The following DEFB108B variants were observed in gnomAD, a reference collection of about 807,000 sequenced individuals.
DEFB108B encodes beta-defensin 108B.
In DEFB108B, 3 loss-of-function variants were observed where a neutral mutation model predicts 2.4. That is an observed-to-expected ratio of 1.25 (90% CI 0.57 to 3.24). The LOEUF is 3.24. Ranked by LOEUF, DEFB108B falls within the 30% of genes most tolerant of loss-of-function variation. The pLI, the probability that DEFB108B is intolerant of heterozygous loss-of-function variation, is 0.03. For missense variants in DEFB108B, 101 were observed against 87.8 expected, an observed-to-expected ratio of 1.15 and a Z score of -0.60; for synonymous variants, 25 against 28.7, an observed-to-expected ratio of 0.87 and a Z score of 0.41.
chr11:71,836,134 A>G (rs1952215218), intron 1 of DEFB108B, among the ~76,000 whole-genome samples: 1 of 152,184 alleles, frequency 6.6e-6, no homozygotes, highest in Non-Finnish European at 1.5e-5. Context: ...TACAGATAAA[A>G]GGAAGAGATG....
chr11:71,834,206 G>T (rs1952199925), intron 1 of DEFB108B, among the ~76,000 whole-genome samples: 1 of 152,034 alleles, frequency 6.6e-6, no homozygotes, highest in Admixed American at 6.5e-5. Flanking sequence ...CCGTTCCTTT[G>T]TGTGACTTCC....
chr11:71,833,383 G>T, intron 1 of DEFB108B, 126 bp downstream of exon 1: 1 of 1,447,710 alleles, frequency 6.9e-7, no homozygotes, highest in Non-Finnish European at 9.3e-7. Flanking sequence ...AGACTCATTG[G>T]CTGAGAGGCC....
chr11:71,837,289 C>G, intron 1 of DEFB108B, 110 bp from the exon 2 acceptor site: 6 of 1,361,062 alleles, frequency 4.4e-6, no homozygotes, highest in Non-Finnish European at 4.2e-6. Context: ...CACACACACA[C>G]ACAAATCCAC....
chr11:71,834,369 T>A (rs541392460), intron 1 of DEFB108B, among the ~76,000 whole-genome samples: 3 of 152,354 alleles, frequency 2.0e-5, no homozygotes, highest in Admixed American at 1.3e-4. Context: ...TGGGTTTGAT[T>A]TTTTTAACCA....
In DEFB108B at chr11:71,837,448, G is replaced by A. The variant is rs949950538; in HGVS notation, c.108G>A (p.Arg36=). 35 of 1,611,838 alleles carry A rather than the reference G, an allele frequency of 2.2e-5. No individual in the cohort carries two copies. The highest frequency in any genetic ancestry group is 2.8e-5 in the Non-Finnish European group (33 of 1,179,838). Reference sequence around the variant, plus strand: ...GTGAACGTCCAAATGGCTCCTGTCGGGACTTTTGCCTTGAAACAGAAATCC... The same window carrying A: ...GTGAACGTCCAAATGGCTCCTGTCGAGACTTTTGCCTTGAAACAGAAATCC... The part of the protein sequence containing the change: ...EICERPNGSC[R]DFCLETEIHV... Residue 36 remains arginine (R), a synonymous_variant, in exon 2 of 2, where the codon CGG becomes CGA. Transcript: ENST00000328698.
At chr11:71,835,511 A>G (rs1368130857) in intron 1 of DEFB108B, among the ~76,000 whole-genome samples, 3 of 152,192 alleles carry the variant, frequency 2.0e-5, no homozygotes, top group Admixed American at 6.5e-5. Context: ...GTTTGATTCC[A>G]TACCTTTGCT....
At chr11:71,833,312 T>C in intron 1 of DEFB108B, 55 bp downstream of exon 1, 6 of 1,572,972 alleles carry the variant, frequency 3.8e-6, no homozygotes, top group Non-Finnish European at 5.2e-6. Context: ...AGGGATTCAA[T>C]ACTCAAAGAG....
chr11:71,836,932 T>C (rs1343242666), intron 1 of DEFB108B: 1 of 138,538 alleles, frequency 7.2e-6, no homozygotes, highest in Non-Finnish European at 1.6e-5. Context: ...ATCTATCATA[T>C]AGAGTGTGTG....
chr11:71,833,772 A>G (rs567358771), intron 1 of DEFB108B, among the ~76,000 whole-genome samples: 2 of 152,188 alleles, frequency 1.3e-5, no homozygotes, highest in African/African-American at 2.4e-5. Flanking sequence ...CTCCATCTCC[A>G]TCCCTGGCTT....
At chr11:71,837,342 C>A (rs1409951452) in intron 1 of DEFB108B, 57 bp from the exon 2 acceptor site, 3 of 1,596,480 alleles carry the variant, frequency 1.9e-6, no homozygotes, top group Non-Finnish European at 2.6e-6. Flanking sequence ...CCATGTAATT[C>A]AACACAAAGT....
intron 1 of DEFB108B, chr11:71,834,766 C>T (rs987888511): frequency 3.9e-5 from 6 of 152,222 alleles, no homozygotes; most frequent in African/African-American, 1.4e-4. Flanking sequence ...AATACCAAGC[C>T]TTAGTGCCAT....
intron 1 of DEFB108B, among the ~76,000 whole-genome samples, chr11:71,834,418 C>G (rs1329775315): frequency 6.6e-6 from 1 of 151,976 alleles, no homozygotes; most frequent in Admixed American, 6.6e-5. Context: ...ACATATATAA[C>G]CCCAGAAAAT....
At chr11:71,836,511 G>T (rs1287541284) in intron 1 of DEFB108B, among the ~76,000 whole-genome samples, 3 of 152,136 alleles carry the variant, frequency 2.0e-5, no homozygotes, top group Admixed American at 1.3e-4. Context: ...CATGGAAAAG[G>T]TGCTCTGTGT....
intron 1 of DEFB108B, 61 bp downstream of exon 1, chr11:71,833,318 A>G: frequency 6.3e-7 from 1 of 1,580,016 alleles, no homozygotes; most frequent in Non-Finnish European, 8.6e-7. Context: ...TCAATACTCA[A>G]AGAGAAATCA....
At chr11:71,835,193 G>A (rs190869574) in intron 1 of DEFB108B, among the ~76,000 whole-genome samples, 24 of 152,212 alleles carry the variant, frequency 1.6e-4, no homozygotes, top group African/African-American at 3.9e-4. Context: ...ACTCTGTCAC[G>A]CAGGTAGGGT....
intron 1 of DEFB108B, among the ~76,000 whole-genome samples, chr11:71,835,438 T>C (rs1033813238): frequency 6.6e-6 from 1 of 152,242 alleles, no homozygotes; most frequent in Non-Finnish European, 1.5e-5. Context: ...TATGGCTGCA[T>C]AGTATTCCAT....
At chr11:71,833,374 G>A in intron 1 of DEFB108B, 117 bp downstream of exon 1, 2 of 1,492,940 alleles carry the variant, frequency 1.3e-6, no homozygotes, top group Non-Finnish European at 1.8e-6. Context: ...AAATCTGGAA[G>A]ACTCATTGGC....
At position 71,833,453 on chromosome 11, in the gene DEFB108B, T is replaced by C. The variant is rs576533849; in HGVS notation, c.58+196T>C. ...CTCAGTTAAATGAAGTCAATGGTGT[T>C]TCAAGTCTTTGAAACCCTCTTATTC... is the stretch of plus-strand genomic sequence containing the variant. On this transcript the variant is annotated intron_variant, in intron 1 of 1. Transcript: ENST00000328698. 5.4e-3 allele frequency among the ~76,000 whole-genome samples: 825 copies of C among 152,336 alleles called. 7 individuals are homozygous for C. The highest frequency in any genetic ancestry group is 0.019 in the African/African-American group (793 of 41,570).
At position 71,833,268 on chromosome 11, in the gene DEFB108B, A is replaced by G. The variant is rs1404200809; in HGVS notation, c.58+11A>G. The stretch of plus-strand genomic sequence containing the variant: ...GCCAAGTTCTACCAGGTAACAAAAT[A>G]AACTTGGTAAGAGTAGAGTGCCTAA... On this transcript the variant is annotated intron_variant, in intron 1 of 1. Transcript: ENST00000328698. 5.8e-6 allele frequency: 9 copies of G among 1,543,990 alleles called. No homozygotes were observed. The highest frequency in any genetic ancestry group is 2.7e-6 in the Non-Finnish European group (3 of 1,124,128).
Sources: gnomAD v4.1 joint callset for allele counts (sites outside exome capture counted in the v4.1 genomes callset) on GRCh38, gnomAD v4.1.1 for gene constraint, MANE v1.5 for transcripts, NCBI Gene and HGNC (gene_info 2026-07-23, HGNC 2026-07-21) for gene names.